Variants in CFAP221 observed in about 807,000 individuals in gnomAD.
CFAP221 encodes the protein cilia and flagella associated protein 221, also known as cilia- and flagella-associated protein 221.
A neutral mutation model predicts 113.1 loss-of-function variants in CFAP221; 97 were observed. The observed-to-expected ratio is 0.86, with a 90% confidence interval of 0.73 to 1.02. The LOEUF is 1.02. CFAP221 is among the 50% of genes least tolerant of loss of function. CFAP221 has a pLI of 0.00. For missense variants in CFAP221, 1,025 were observed against 1,013.4 expected (o/e 1.01, Z -0.16); for synonymous variants, 331 against 354.4 (o/e 0.93, Z 0.74).
intron 8 of CFAP221, 187 bp downstream of exon 8, chr2:119,601,564 G>A (rs914961093): frequency 3.8e-6 from 2 of 520,390 alleles, no homozygotes; most frequent in Non-Finnish European, 6.2e-6. Context: ...AGTAGCAAGA[G>A]TTGCTTCTGA....
In CFAP221 at chr2:119,601,320, A is replaced by G. The variant is rs911268703; in HGVS notation, c.734A>G (p.Asn245Ser). 3.9e-6 allele frequency: 6 copies of G among 1,535,610 alleles called. No homozygotes were observed. Among genetic ancestry groups the G allele is most frequent in the South Asian group, 2.4e-5 (2 of 83,948 alleles). ...ATGCAGTTATGGATTTCGCAGTTCA[A>G]CTCTCAACCATACGAATGTGTCTTC... ...IKMQLWISQFNSQPYECVFTG... is the reference protein window; with the variant it reads ...IKMQLWISQFSSQPYECVFTG... Residue 245 changes from asparagine to serine, a missense_variant, in exon 8 of 24, where the codon AAC becomes AGC. Physicochemically the swap from Asn to Ser is conservative, Grantham distance 46. Coordinates refer to ENST00000413369, the MANE Select transcript of CFAP221 (RefSeq NM_001271049.2).
chr2:119,633,700 T>C (rs556110059), intron 19 of CFAP221, among the ~76,000 whole-genome samples: 32 of 139,538 alleles, frequency 2.3e-4, no homozygotes, highest in Non-Finnish European at 7.7e-5. Context: ...CAAAGAAGAC[T>C]TATAAATGGC....
chr2:119,632,982 CAAAG>C (rs1477426656), intron 19 of CFAP221, among the ~76,000 whole-genome samples: 1 of 151,724 alleles, frequency 6.6e-6, no homozygotes, highest in Non-Finnish European at 1.5e-5. Flanking sequence ...TGAGAGAACT[CAAAG>C]AAAGCCTAAA....
At chr2:119,633,191 C>G (rs1284184018) in intron 19 of CFAP221, among the ~76,000 whole-genome samples, 1 of 151,792 alleles carries the variant, frequency 6.6e-6, no homozygotes, top group Non-Finnish European at 1.5e-5. Flanking sequence ...CAATTAGTAC[C>G]TCACACCATC....
Position 119,559,934 on chromosome 2 carries a change from C to A in CFAP221, c.334C>A (p.His112Asn), listed in dbSNP as rs1415850937. The A allele has an allele frequency of 9.1e-6, 14 of 1,535,276 alleles. No individual in the cohort carries two copies. Among genetic ancestry groups the A allele is most frequent in the Middle Eastern group, 1.7e-4 (1 of 6,012 alleles). Residue 112 changes from histidine to asparagine, a missense_variant, in exon 5 of 24, where the codon CAC becomes AAC. By Grantham distance (68) the His-to-Asn change is moderately conservative (BLOSUM62 1). Transcript: ENST00000413369. Reference protein sequence around the residue: ...FEINYVRKEHHLVPGLSLTVT... With the variant: ...FEINYVRKEHNLVPGLSLTVT... ...GATGCCACCTGTCTTCCAGGAACACCACCTGGTCCCTGGCTTGTCCCTCAC... is the reference window on the plus strand; with the variant it reads ...GATGCCACCTGTCTTCCAGGAACACAACCTGGTCCCTGGCTTGTCCCTCAC...
intron 14 of CFAP221, among the ~76,000 whole-genome samples, chr2:119,620,376 G>A (rs887867476): frequency 6.6e-6 from 1 of 152,228 alleles, no homozygotes; most frequent in South Asian, 2.1e-4. Flanking sequence ...AAGCCCATCA[G>A]ACCAACAGCG....
chr2:119,562,802 G>C (rs1454370142), intron 6 of CFAP221, among the ~76,000 whole-genome samples: 1 of 152,128 alleles, frequency 6.6e-6, no homozygotes, highest in Non-Finnish European at 1.5e-5. Context: ...TATCCATAGA[G>C]GATTGATTGG....
At chr2:119,584,198 A>G (rs953814049) in intron 6 of CFAP221, among the ~76,000 whole-genome samples, 4 of 152,246 alleles carry the variant, frequency 2.6e-5, no homozygotes, top group Admixed American at 6.5e-5. Flanking sequence ...TTAAAAATTT[A>G]TGTCCAACAA....
At chr2:119,608,434 A>G in intron 11 of CFAP221, 68 bp from the exon 12 acceptor site, 1 of 1,224,702 alleles carries the variant, frequency 8.2e-7, no homozygotes, top group South Asian at 1.4e-5. Flanking sequence ...ATAGTGAAAT[A>G]TTCCATCCTA....
intron 6 of CFAP221, chr2:119,581,082 G>A (rs1295982568): frequency 6.6e-6 from 1 of 152,152 alleles, no homozygotes; most frequent in Non-Finnish European, 1.5e-5. Context: ...AAAATAGCTG[G>A]CTGGCAGGAA....
rs767964140 is a variant in CFAP221, at chr2:119,638,084, G to A, written c.1975-175G>A. On this transcript the variant is annotated intron_variant, in intron 19 of 23. Coordinates refer to ENST00000413369, the MANE Select transcript of CFAP221 (RefSeq NM_001271049.2). Reference sequence around the variant, plus strand: ...TATGAATGACTATGATTTTTTAAACGCTGCCGACTTGAAGACACCTCTGCT... The same window carrying A: ...TATGAATGACTATGATTTTTTAAACACTGCCGACTTGAAGACACCTCTGCT... The A allele has an allele frequency of 1.2e-5, 6 of 484,714 alleles. 1 individual carries two copies. Among genetic ancestry groups the A allele is most frequent in the South Asian group, 1.7e-4 (2 of 11,948 alleles). 30.0% of individuals were successfully genotyped at this position (484,714 alleles called of 1,614,324 possible).
intron 2 of CFAP221, among the ~76,000 whole-genome samples, chr2:119,548,859 A>G (rs539985903): frequency 2.0e-5 from 3 of 152,346 alleles, no homozygotes; most frequent in Admixed American, 2.0e-4. Context: ...CTGACTTTGT[A>G]TTGTAATGAT....
Position 119,560,045 on chromosome 2 carries a change from CTTTTTTTTTTTTTTTTT to C in CFAP221, c.426+23_426+39del. On this transcript the variant is annotated intron_variant, in intron 5 of 23. Coordinates refer to ENST00000413369, the MANE Select transcript of CFAP221 (RefSeq NM_001271049.2). The stretch of plus-strand genomic sequence containing the variant: ...CTGTAAGGTAGGTCTCTTAAAATTG[CTTTTTTTTTTTTTTTTT>C]TTTGATGGTGGGTTAAAACTTACAT... 1 of 720,044 alleles carries C rather than the reference CTTTTTTTTTTTTTTTTT, an allele frequency of 1.4e-6. No individual in the cohort carries two copies. Among genetic ancestry groups the C allele is most frequent in the African/African-American group, 2.4e-5 (1 of 42,194 alleles). The allele number at this position is 720,044 out of a possible 1,614,324, so 44.6% of individuals were successfully genotyped here.
chr2:119,550,908 A>C (rs1680372814), intron 3 of CFAP221, among the ~76,000 whole-genome samples: 1 of 152,082 alleles, frequency 6.6e-6, no homozygotes, highest in Admixed American at 6.6e-5. Context: ...CTTATCCCCT[A>C]TTCCCCTCCC....
intron 14 of CFAP221, among the ~76,000 whole-genome samples, chr2:119,623,356 G>A (rs1386056328): frequency 2.0e-5 from 3 of 152,120 alleles, no homozygotes; most frequent in East Asian, 1.9e-4. Flanking sequence ...ACTGCTCAAG[G>A]AAATAAGAGA....
chr2:119,576,039 AAGTC>A (rs1193755795), intron 6 of CFAP221, among the ~76,000 whole-genome samples: 1 of 152,178 alleles, frequency 6.6e-6, no homozygotes, highest in Non-Finnish European at 1.5e-5. Context: ...AGGTGGGACT[AAGTC>A]AGGTTGAAGA....
intron 13 of CFAP221, among the ~76,000 whole-genome samples, chr2:119,614,396 AG>A (rs1685386772): frequency 6.6e-6 from 1 of 152,212 alleles, no homozygotes; most frequent in Non-Finnish European, 1.5e-5. Flanking sequence ...TCTGCTATGA[AG>A]AAATACCTGA....
chr2:119,625,444 C>A, intron 14 of CFAP221, 139 bp from the exon 15 acceptor site: 1 of 693,198 alleles, frequency 1.4e-6, no homozygotes, highest in Non-Finnish European at 2.4e-6. Context: ...GGGAGAGTAG[C>A]ATGCCACACT....
Position 119,604,805 on chromosome 2 carries a change from T to C in CFAP221, c.912+13T>C. The C allele has an allele frequency of 6.3e-7, 1 of 1,589,242 alleles. No individual in the cohort carries two copies. The highest frequency in any genetic ancestry group is 1.4e-5 in the African/African-American group (1 of 73,928). On this transcript the variant is annotated intron_variant, in intron 9 of 23. Transcript: ENST00000413369. Reference sequence around the variant, plus strand: ...TCAGAAGGTGAAGGTACGGTGGGCCTTGTCCTTGGTGCGATGAAAGGGTGA... The same window carrying C: ...TCAGAAGGTGAAGGTACGGTGGGCCCTGTCCTTGGTGCGATGAAAGGGTGA...
Sources: gnomAD v4.1 joint callset for allele counts (sites outside exome capture counted in the v4.1 genomes callset) on GRCh38, gnomAD v4.1.1 for gene constraint, MANE v1.5 for transcripts, NCBI Gene and HGNC (gene_info 2026-07-23, HGNC 2026-07-21) for gene names.